Variants in RXFP1 observed in about 807,000 individuals in gnomAD.
RXFP1 encodes the protein relaxin receptor 1.
A neutral mutation model predicts 89.8 loss-of-function variants in RXFP1; 73 were observed. The ratio of observed to expected loss-of-function variants is 0.81; its 90% confidence interval spans 0.67 to 0.99. RXFP1 has a LOEUF of 0.99. RXFP1 is among the 50% of genes least tolerant of loss of function. RXFP1 has a pLI of 0.00. For missense variants in RXFP1, 793 were observed against 895.5 expected, an observed-to-expected ratio of 0.89 and a Z score of 1.46; for synonymous variants, 277 against 305.5, an observed-to-expected ratio of 0.91 and a Z score of 0.97.
chr4:158,544,983 A>G (rs902179116), intron 1 of RXFP1, among the ~76,000 whole-genome samples: 20 of 151,936 alleles, frequency 1.3e-4, no homozygotes, highest in African/African-American at 4.6e-4. Context: ...TGGCTGGGTC[A>G]AATGGTATTT....
chr4:158,563,950 T>C (rs1753034711), intron 1 of RXFP1, among the ~76,000 whole-genome samples: 1 of 148,230 alleles, frequency 6.7e-6, no homozygotes, highest in South Asian at 2.1e-4. Context: ...ATGTTATATA[T>C]AAATGTTATA....
At position 158,535,791 on chromosome 4, in the gene RXFP1, T is replaced by A. The variant is rs1001256301; in HGVS notation, c.49+13766T>A. On this transcript the variant is annotated intron_variant, in intron 1 of 17. Transcript: ENST00000307765. ...AGGACCGGCCTTTTTGATATTGCAC[T>A]CCATAAATATCCAACTATTATCTCT... Among the ~76,000 whole-genome samples the A allele has an allele frequency of 3.9e-5, 6 of 152,380 alleles. No homozygotes were observed. In the East Asian group the frequency reaches 1.2e-3, roughly 29 times the overall value.
chr4:158,627,595 A>C (rs1163801909), intron 10 of RXFP1, among the ~76,000 whole-genome samples: 1 of 151,440 alleles, frequency 6.6e-6, no homozygotes. Context: ...GTGTTACCAC[A>C]GGAATGATTT....
At chr4:158,605,938 A>G (rs1016593527) in intron 5 of RXFP1, among the ~76,000 whole-genome samples, 1 of 152,246 alleles carries the variant, frequency 6.6e-6, no homozygotes, top group Admixed American at 6.5e-5. Flanking sequence ...TTTAAAGATA[A>G]CAGATGGAAA....
At chr4:158,611,564 C>T (rs562758225) in intron 6 of RXFP1, among the ~76,000 whole-genome samples, 1 of 152,324 alleles carries the variant, frequency 6.6e-6, no homozygotes, top group South Asian at 2.1e-4. Flanking sequence ...CTTGCTTTTG[C>T]ATAAGCTATT....
intron 1 of RXFP1, among the ~76,000 whole-genome samples, chr4:158,525,131 G>C (rs770729477): frequency 1.3e-5 from 2 of 151,044 alleles, no homozygotes; most frequent in Non-Finnish European, 2.9e-5. Flanking sequence ...GAGAATGTTC[G>C]CATATTTATC....
At chr4:158,523,143 T>C (rs76959641) in intron 1 of RXFP1, among the ~76,000 whole-genome samples, 19,281 of 152,178 alleles carry the variant, frequency 0.13, 1,321 homozygotes, top group Middle Eastern at 0.18. Context: ...ATTTTTTAAC[T>C]GAAGGGAAAA....
chr4:158,642,751 A>C (rs919432143), intron 14 of RXFP1, among the ~76,000 whole-genome samples: 7 of 152,138 alleles, frequency 4.6e-5, no homozygotes, highest in Admixed American at 1.3e-4. Context: ...CATTGTTTGT[A>C]TGGGGTAATT....
At chr4:158,586,831 C>T (rs552723769) in intron 2 of RXFP1, among the ~76,000 whole-genome samples, 1 of 150,694 alleles carries the variant, frequency 6.6e-6, no homozygotes, top group South Asian at 2.1e-4. Flanking sequence ...ATGGTGAGGA[C>T]AAAGGATTAG....
chr4:158,531,407 C>T (rs1744011796), intron 1 of RXFP1, among the ~76,000 whole-genome samples: 1 of 152,206 alleles, frequency 6.6e-6, no homozygotes, highest in South Asian at 2.1e-4. Context: ...TTCCTCCAAT[C>T]ACTCAGCCCC....
chr4:158,569,710 C>T (rs990370139), intron 1 of RXFP1, among the ~76,000 whole-genome samples: 10 of 152,124 alleles, frequency 6.6e-5, no homozygotes, highest in African/African-American at 2.4e-4. Flanking sequence ...AGTTTGTCTC[C>T]TCTAATTTTA....
intron 11 of RXFP1, among the ~76,000 whole-genome samples, chr4:158,632,794 A>G (rs1768334208): frequency 6.6e-6 from 1 of 152,212 alleles, no homozygotes; most frequent in African/African-American, 2.4e-5. Flanking sequence ...CAAACCATGC[A>G]TCTATTCTAA....
chr4:158,577,129 C>G (rs1019858591), intron 2 of RXFP1, among the ~76,000 whole-genome samples: 2 of 152,068 alleles, frequency 1.3e-5, no homozygotes, highest in African/African-American at 4.8e-5. Flanking sequence ...ACCTCTGCCT[C>G]CAGGATTCAA....
intron 2 of RXFP1, among the ~76,000 whole-genome samples, chr4:158,590,591 C>T (rs1759246492): frequency 6.6e-6 from 1 of 152,206 alleles, no homozygotes; most frequent in Admixed American, 6.5e-5. Flanking sequence ...CTAACAGACA[C>T]ATCATTCCAG....
At chr4:158,605,204 C>A in intron 5 of RXFP1, 65 bp downstream of exon 5, 2 of 934,754 alleles carry the variant, frequency 2.1e-6, no homozygotes, top group South Asian at 1.5e-5. Context: ...CTTTTTCTTC[C>A]TACTTCTGTG....
intron 1 of RXFP1, among the ~76,000 whole-genome samples, chr4:158,566,280 C>G (rs1375712633): frequency 6.6e-6 from 1 of 152,192 alleles, no homozygotes; most frequent in Non-Finnish European, 1.5e-5. Context: ...CAAAAACTTA[C>G]TTTCAAATGG....
chr4:158,652,251 A>G lies in RXFP1; in HGVS notation c.*196A>G. The G allele has an allele frequency of 2.0e-6, 1 of 494,450 alleles. No individual in the cohort carries two copies. Among genetic ancestry groups the G allele is most frequent in the Non-Finnish European group, 3.5e-6 (1 of 285,028 alleles). 30.6% of individuals were successfully genotyped at this position (494,450 alleles called of 1,614,324 possible). ...ATTATATCAATAATGTATATATATT[A>G]GTAGACATTTTGCATAAGAAATTAA... On this transcript the variant is annotated 3_prime_UTR_variant, in exon 18 of 18. Coordinates refer to ENST00000307765, the MANE Select transcript of RXFP1 (RefSeq NM_021634.4).
At chr4:158,541,871 T>C (rs1404685990) in intron 1 of RXFP1, among the ~76,000 whole-genome samples, 2 of 151,742 alleles carry the variant, frequency 1.3e-5, no homozygotes, top group Non-Finnish European at 2.9e-5. Context: ...AGCAATCGTC[T>C]CAATTACATC....
At chr4:158,643,072 G>T (rs1770698134) in intron 14 of RXFP1, among the ~76,000 whole-genome samples, 2 of 152,136 alleles carry the variant, frequency 1.3e-5, no homozygotes, top group Admixed American at 1.3e-4. Context: ...TTCTCTACCT[G>T]TTTGGCACCA....
Sources: gnomAD v4.1 joint callset for allele counts (sites outside exome capture counted in the v4.1 genomes callset) on GRCh38, gnomAD v4.1.1 for gene constraint, MANE v1.5 for transcripts, NCBI Gene and HGNC (gene_info 2026-07-23, HGNC 2026-07-21) for gene names.